GTF2A1L: variants seen among roughly 807,000 people sequenced by gnomAD.
The protein encoded by GTF2A1L is general transcription factor IIA subunit 1 like.
A neutral mutation model predicts 49.7 loss-of-function variants in GTF2A1L; 48 were observed. The ratio of observed to expected loss-of-function variants is 0.97; its 90% CI spans 0.77 to 1.23. The LOEUF is 1.23. Ranked by LOEUF, GTF2A1L falls within the 50% of genes most tolerant of loss-of-function variation. The pLI, the probability that GTF2A1L is intolerant of heterozygous loss-of-function variation, is 0.00. For synonymous variants in GTF2A1L, 246 were observed against 193.5 expected, an observed-to-expected ratio of 1.27 and a Z score of -2.25; for missense variants, 736 against 564.8, an observed-to-expected ratio of 1.30 and a Z score of -3.07.
intron 6 of GTF2A1L, among the ~76,000 whole-genome samples, chr2:48,668,821 C>T (rs867582578): frequency 1.4e-5 from 2 of 143,744 alleles, no homozygotes; most frequent in African/African-American, 2.9e-5. Flanking sequence ...GGCGACAGAG[C>T]GAGACCCCGC....
intron 3 of GTF2A1L, among the ~76,000 whole-genome samples, chr2:48,622,913 T>C (rs1676088606): frequency 1.6e-5 from 2 of 125,478 alleles, no homozygotes; most frequent in African/African-American, 6.2e-5. Flanking sequence ...TGCCGCAAGA[T>C]GGTAATATTA....
chr2:48,669,588 T>G (rs1341740136), intron 6 of GTF2A1L, 134 bp from the exon 7 acceptor site: 1 of 1,075,608 alleles, frequency 9.3e-7, no homozygotes, highest in Non-Finnish European at 1.3e-6. Context: ...AATTCAAAGT[T>G]AGATTTTAAT....
chr2:48,657,832 G>T (rs1488374610), intron 6 of GTF2A1L, among the ~76,000 whole-genome samples: 1 of 150,756 alleles, frequency 6.6e-6, no homozygotes, highest in East Asian at 1.9e-4. Flanking sequence ...TTGCATTTTT[G>T]ATTTGTATTT....
chr2:48,674,291 C>T (rs926582953), intron 8 of GTF2A1L, among the ~76,000 whole-genome samples: 1 of 152,178 alleles, frequency 6.6e-6, no homozygotes, highest in African/African-American at 2.4e-5. Flanking sequence ...TAATTCTAAC[C>T]ATTCTAATGA....
chr2:48,627,074 G>C lies in GTF2A1L; in HGVS notation c.247+5784G>C, dbSNP rs572680570. Among the ~76,000 whole-genome samples, 10 of 143,262 alleles carry C rather than the reference G, an allele frequency of 7.0e-5. No homozygotes were observed. The East Asian group carries it at 1.8e-3, about 25-fold the overall frequency. 94.0% of individuals were successfully genotyped at this position (143,262 alleles called of 152,430 possible). ...CTGGTTCTGGGCTTTTCTGTGTTGG[G>C]AGGTTTTTAATTACTACCTCGATCT... On this transcript the variant is annotated intron_variant, in intron 3 of 8. Transcript: ENST00000403751.
chr2:48,633,374 G>A lies in GTF2A1L; in HGVS notation c.248-9028G>A, dbSNP rs148291567. On this transcript the variant is annotated intron_variant, in intron 3 of 8. Transcript: ENST00000403751. Reference sequence around the variant, plus strand: ...ATAATCTTGATGGCAGCTGAAGGGAGATGCGGTGGTGCTGGCTTAGCAGGA... The same window carrying A: ...ATAATCTTGATGGCAGCTGAAGGGAAATGCGGTGGTGCTGGCTTAGCAGGA... 2.5e-3 allele frequency: 383 copies of A among 153,818 alleles called. 1 individual carries two copies. Among genetic ancestry groups the A allele is most frequent in the Non-Finnish European group, 3.5e-3 (238 of 68,886 alleles). The allele number at this position is 153,818 out of a possible 1,614,324, so 9.5% of individuals were successfully genotyped here. A position where few individuals can be genotyped will look rare whatever the true frequency, so the allele number is the denominator to read the frequency against.
intron 8 of GTF2A1L, among the ~76,000 whole-genome samples, chr2:48,678,603 C>G (rs1381724590): frequency 6.6e-6 from 1 of 151,922 alleles, no homozygotes; most frequent in Non-Finnish European, 1.5e-5. Flanking sequence ...TGGCTTGTTA[C>G]CTCTTGAAGT....
intron 6 of GTF2A1L, among the ~76,000 whole-genome samples, chr2:48,662,912 G>A (rs940919103): frequency 3.9e-5 from 6 of 152,000 alleles, no homozygotes; most frequent in Non-Finnish European, 8.8e-5. Flanking sequence ...AATAATTGAG[G>A]GTGGAGTGTA....
In GTF2A1L at chr2:48,669,835, AAGAGATGC is replaced by A. The variant is rs778014511; in HGVS notation, c.1096_1103del (p.Asp366Ter). 6.2e-7 allele frequency: 1 copy of A among 1,614,068 alleles called. No homozygotes were observed. Among genetic ancestry groups the A allele is most frequent in the Non-Finnish European group, 8.5e-7 (1 of 1,179,988 alleles). ...CTTCCAATGAAGAAATAGGAAGTAC[AAGAGATGC>A]AGATGAGAATGAATTTCTAGGGAAT... On this transcript the variant is annotated frameshift_variant, in exon 7 of 9. Transcript: ENST00000403751. LOFTEE classifies it high-confidence loss of function.
intron 3 of GTF2A1L, among the ~76,000 whole-genome samples, chr2:48,633,569 A>G (rs1449582781): frequency 1.3e-5 from 2 of 152,212 alleles, no homozygotes; most frequent in Non-Finnish European, 2.9e-5. Context: ...CATACGGTCA[A>G]TTGTGGAGTA....
intron 3 of GTF2A1L, among the ~76,000 whole-genome samples, chr2:48,639,360 A>G (rs1446615955): frequency 6.6e-6 from 1 of 152,204 alleles, no homozygotes; most frequent in Non-Finnish European, 1.5e-5. Context: ...CCCATAGGCC[A>G]ATGGAACAGA....
intron 6 of GTF2A1L, among the ~76,000 whole-genome samples, chr2:48,667,440 T>TA (rs1678915964): frequency 6.6e-6 from 1 of 152,230 alleles, no homozygotes; most frequent in Non-Finnish European, 1.5e-5. Flanking sequence ...TTTTGTAATT[T>TA]ATCCAGCTTT....
intron 8 of GTF2A1L, among the ~76,000 whole-genome samples, chr2:48,677,402 A>C (rs1433928972): frequency 6.6e-6 from 1 of 152,012 alleles, no homozygotes; most frequent in African/African-American, 2.4e-5. Flanking sequence ...AACTGTGAGG[A>C]TATTAGAGTG....
intron 1 of GTF2A1L, 64 bp from the exon 2 acceptor site, chr2:48,620,786 TA>T: frequency 1.3e-6 from 1 of 792,492 alleles, no homozygotes; most frequent in Non-Finnish European, 1.6e-6. Context: ...CAAGAATAAA[TA>T]AATAAATAAA....
In GTF2A1L at chr2:48,624,743, C is replaced by A. The variant is rs551552037; in HGVS notation, c.247+3453C>A. 2.1e-5 allele frequency among the ~76,000 whole-genome samples: 2 copies of A among 96,506 alleles called. 1 individual carries two copies. The highest frequency in any genetic ancestry group is 9.1e-4 in the South Asian group (2 of 2,188). The allele number at this position is 96,506 out of a possible 152,430, so 63.3% of individuals were successfully genotyped here. ...TGCCTCTGGTAACTGCTATTTTATT[C>A]TCTATGTCTGTATTTGTGGTTTTTT... On this transcript the variant is annotated intron_variant, in intron 3 of 8. Transcript: ENST00000403751.
chr2:48,662,051 A>G (rs1678535250), intron 6 of GTF2A1L, among the ~76,000 whole-genome samples: 1 of 151,886 alleles, frequency 6.6e-6, no homozygotes, highest in Admixed American at 6.6e-5. Flanking sequence ...TTCTATAGAT[A>G]TTTTCTTTGT....
intron 4 of GTF2A1L, among the ~76,000 whole-genome samples, chr2:48,643,459 A>G (rs2104180966): frequency 6.6e-6 from 1 of 152,276 alleles, no homozygotes; most frequent in Non-Finnish European, 1.5e-5. Context: ...AACAGCCAAA[A>G]CCACACACCT....
intron 6 of GTF2A1L, among the ~76,000 whole-genome samples, chr2:48,654,247 C>G (rs947282141): frequency 1.3e-5 from 2 of 152,052 alleles, no homozygotes; most frequent in Admixed American, 6.6e-5. Flanking sequence ...GACTTTCAGT[C>G]CCGTATATTA....
At chr2:48,633,978 G>C (rs1257516369) in intron 3 of GTF2A1L, among the ~76,000 whole-genome samples, 1 of 152,016 alleles carries the variant, frequency 6.6e-6, no homozygotes, top group Admixed American at 6.5e-5. Flanking sequence ...CTATTTGCTT[G>C]GTGGATCACT....
Sources: allele counts gnomAD v4.1 joint callset (sites outside exome capture counted in the v4.1 genomes callset), GRCh38; gene constraint gnomAD v4.1.1; transcripts MANE v1.5; gene names NCBI Gene and HGNC (gene_info 2026-07-23, HGNC 2026-07-21).